Variants in MCPH1 observed in about 807,000 individuals in gnomAD.
The protein encoded by MCPH1 is microcephalin 1, also known as microcephalin.
Under a neutral mutation model 84.5 loss-of-function variants are expected in MCPH1, and 104 were observed. That is an observed-to-expected ratio of 1.23 (90% confidence interval 1.05 to 1.45). The LOEUF (loss-of-function observed/expected upper bound fraction) is 1.45. MCPH1 is among the 40% of genes most tolerant of loss of function. The probability of loss-of-function intolerance (pLI) is 0.00; values close to 1 mark genes in which losing one functional copy is unlikely to be tolerated. For synonymous variants in MCPH1, 514 were observed against 366.8 expected (o/e 1.40, Z -4.58); for missense variants, 1,498 against 1,005.7 (o/e 1.49, Z -6.62).
chr8:6,630,375 C>T (rs57135269), intron 13 of MCPH1, among the ~76,000 whole-genome samples: 8,272 of 152,014 alleles, frequency 0.054, 755 homozygotes, highest in African/African-American at 0.19. Context: ...AATTTAATAC[C>T]AATAAATTTG....
chr8:6,525,025 G>C lies in MCPH1; in HGVS notation c.2214+25096G>C, dbSNP rs201852671. ...AAATAAAGCTCTATGTAAAATGAAG[G>C]CATTCGATTTCATGGCCTCTCGGGC... On this transcript the variant is annotated intron_variant, in intron 12 of 13. Transcript: ENST00000344683. 7.9e-5 allele frequency among the ~76,000 whole-genome samples: 12 copies of C among 152,312 alleles called. No homozygotes were observed. The East Asian group carries it at 1.5e-3, about 20-fold the overall frequency.
At chr8:6,416,295 CATGTCATGTCATGT>C (rs1799290315) in intron 3 of MCPH1, among the ~76,000 whole-genome samples, 3 of 151,594 alleles carry the variant, frequency 2.0e-5, no homozygotes, top group Non-Finnish European at 4.4e-5. Context: ...CATGTCATGT[CATGTCATGTCATGT>C]CATGTTATTT....
intron 12 of MCPH1, among the ~76,000 whole-genome samples, chr8:6,549,060 T>C (rs1823118368): frequency 6.6e-6 from 1 of 152,210 alleles, no homozygotes; most frequent in African/African-American, 2.4e-5. Context: ...GCAGAGTGGA[T>C]TTCATTAGAA....
At chr8:6,437,369 T>A (rs945135847) in intron 5 of MCPH1, among the ~76,000 whole-genome samples, 1 of 152,020 alleles carries the variant, frequency 6.6e-6, no homozygotes, top group Non-Finnish European at 1.5e-5. Context: ...AAGCTGGGAT[T>A]ATAGGGGCGT....
intron 12 of MCPH1, among the ~76,000 whole-genome samples, chr8:6,522,023 T>A (rs746342800): frequency 2.6e-5 from 4 of 152,156 alleles, no homozygotes; most frequent in Non-Finnish European, 4.4e-5. Flanking sequence ...TACTATCACC[T>A]AGGTCATGGG....
At chr8:6,635,933 C>G (rs1320166494) in intron 13 of MCPH1, among the ~76,000 whole-genome samples, 2 of 152,226 alleles carry the variant, frequency 1.3e-5, no homozygotes, top group African/African-American at 4.8e-5. Context: ...GGCTGCTTAG[C>G]TCCCCTGAGC....
At chr8:6,474,019 C>A (rs926889544) in intron 9 of MCPH1, 6 of 855,154 alleles carry the variant, frequency 7.0e-6, no homozygotes, top group Non-Finnish European at 1.2e-5. Context: ...CTTTTAGTTT[C>A]TTCTCATTAT....
At chr8:6,414,320 T>A (rs1013008938) in intron 2 of MCPH1, among the ~76,000 whole-genome samples, 5 of 152,254 alleles carry the variant, frequency 3.3e-5, no homozygotes, top group Admixed American at 3.3e-4. Flanking sequence ...GGATACAGTA[T>A]CTTAAGATAT....
intron 11 of MCPH1, among the ~76,000 whole-genome samples, chr8:6,484,636 G>A (rs1450391545): frequency 6.6e-6 from 1 of 152,226 alleles, no homozygotes; most frequent in Non-Finnish European, 1.5e-5. Flanking sequence ...CCCTCCAGTG[G>A]GTGAATGGAT....
chr8:6,611,325 G>C (rs1008940482), intron 12 of MCPH1, among the ~76,000 whole-genome samples: 1 of 152,110 alleles, frequency 6.6e-6, no homozygotes, highest in African/African-American at 2.4e-5. Context: ...CCAATTGCTT[G>C]TCCCAAATCC....
chr8:6,632,042 G>A (rs1203796343), intron 13 of MCPH1, among the ~76,000 whole-genome samples: 1 of 152,196 alleles, frequency 6.6e-6, no homozygotes, highest in Non-Finnish European at 1.5e-5. Context: ...CACTGTGGAT[G>A]AACTTTGAAA....
intron 11 of MCPH1, among the ~76,000 whole-genome samples, chr8:6,491,642 C>CTACTATGGCTGCAT (rs1563281444): frequency 1.3e-5 from 2 of 152,060 alleles, no homozygotes; most frequent in African/African-American, 4.8e-5. Flanking sequence ...GACCCCACAA[C>CTACTATGGCTGCAT]AGGCCCTGGT....
intron 9 of MCPH1, among the ~76,000 whole-genome samples, chr8:6,467,692 C>T (rs1379080557): frequency 1.3e-5 from 2 of 152,128 alleles, no homozygotes; most frequent in African/African-American, 4.8e-5. Context: ...ATTGCCTGGG[C>T]TCAAGTGATC....
intron 12 of MCPH1, among the ~76,000 whole-genome samples, chr8:6,576,019 A>G (rs1377043047): frequency 1.4e-5 from 2 of 145,866 alleles, no homozygotes; most frequent in Admixed American, 7.1e-5. Context: ...GTACTTTGTT[A>G]CAACAACCCT....
At chr8:6,409,818 C>T (rs1433407327) in intron 2 of MCPH1, among the ~76,000 whole-genome samples, 1 of 152,120 alleles carries the variant, frequency 6.6e-6, no homozygotes, top group African/African-American at 2.4e-5. Flanking sequence ...CAGGTGTGGA[C>T]ATCGTCCCAT....
At chr8:6,615,139 G>T (rs1314561830) in intron 12 of MCPH1, among the ~76,000 whole-genome samples, 1 of 152,130 alleles carries the variant, frequency 6.6e-6, no homozygotes, top group East Asian at 1.9e-4. Flanking sequence ...CGATCCCCTG[G>T]GCTGCATTCA....
chr8:6,446,068 A>G lies in MCPH1; in HGVS notation c.1825+521A>G, dbSNP rs571748666. 8.2e-6 allele frequency: 8 copies of G among 979,948 alleles called. No individual in the cohort carries two copies. The African/African-American group carries it at 1.0e-4, about 13-fold the overall frequency. 60.7% of individuals were successfully genotyped at this position (979,948 alleles called of 1,614,324 possible). A position where few individuals can be genotyped will look rare whatever the true frequency, so the allele number is the denominator to read the frequency against. ...GAAGAAACTTTGGTCAGTGTTAACT[A>G]TGAAGAAACATTTAAACATTTTTGA... On this transcript the variant is annotated intron_variant, in intron 8 of 13. Coordinates refer to ENST00000344683, the MANE Select transcript of MCPH1 (RefSeq NM_024596.5).
intron 12 of MCPH1, among the ~76,000 whole-genome samples, chr8:6,597,876 C>A (rs1157325911): frequency 1.3e-5 from 2 of 152,168 alleles, no homozygotes; most frequent in African/African-American, 4.8e-5. Flanking sequence ...ACTTACCCAT[C>A]TCCTTAGAAG....
At chr8:6,589,056 C>T (rs1233157560) in intron 12 of MCPH1, among the ~76,000 whole-genome samples, 1 of 152,166 alleles carries the variant, frequency 6.6e-6, no homozygotes, top group Admixed American at 6.5e-5. Context: ...TGTATGAAAA[C>T]AAAAGTACAA....
Sources: gnomAD v4.1 joint callset for allele counts (sites outside exome capture counted in the v4.1 genomes callset) on GRCh38, gnomAD v4.1.1 for gene constraint, MANE v1.5 for transcripts, NCBI Gene and HGNC (gene_info 2026-07-23, HGNC 2026-07-21) for gene names.